Variants in KLHL29 observed in about 807,000 individuals in gnomAD.
KLHL29 encodes kelch like family member 29.
Under a neutral mutation model 80.4 loss-of-function variants are expected in KLHL29, and 21 were observed. That is an observed-to-expected ratio of 0.26 (90% CI 0.19 to 0.38). The LOEUF is 0.38. Ranked by LOEUF, KLHL29 falls within the 10% of genes least tolerant of loss-of-function variation. The probability of loss-of-function intolerance (pLI) is 1.00; values close to 1 mark genes in which losing one functional copy is unlikely to be tolerated. For synonymous variants in KLHL29, 511 were observed against 526.8 expected (o/e 0.97, Z 0.41); for missense variants, 867 against 1,223.9 (o/e 0.71, Z 4.35).
chr2:23,567,285 CTG>C (rs1667610948), intron 3 of KLHL29, among the ~76,000 whole-genome samples: 1 of 152,240 alleles, frequency 6.6e-6, no homozygotes, highest in African/African-American at 2.4e-5. Flanking sequence ...TCGCTGATGT[CTG>C]TGAAATGTAC....
chr2:23,389,694 A>G (rs1322744838), intron 1 of KLHL29, among the ~76,000 whole-genome samples: 1 of 151,588 alleles, frequency 6.6e-6, no homozygotes, highest in Non-Finnish European at 1.5e-5. Context: ...TCTCAGAAAA[A>G]AAAAAGGGGG....
chr2:23,692,228 C>T (rs1671659409), intron 7 of KLHL29, among the ~76,000 whole-genome samples: 1 of 152,144 alleles, frequency 6.6e-6, no homozygotes, highest in African/African-American at 2.4e-5. Context: ...TTCTCTAGAC[C>T]CTGAACAAAG....
intron 5 of KLHL29, among the ~76,000 whole-genome samples, chr2:23,650,262 T>C (rs1452719363): frequency 6.6e-6 from 1 of 152,168 alleles, no homozygotes; most frequent in Non-Finnish European, 1.5e-5. Flanking sequence ...AGTGAGTGGT[T>C]CTACAAATGC....
chr2:23,578,678 A>G (rs185805786), intron 3 of KLHL29, among the ~76,000 whole-genome samples: 1 of 152,182 alleles, frequency 6.6e-6, no homozygotes, highest in African/African-American at 2.4e-5. Context: ...CTCAGTAAAT[A>G]TGTGTTGAAT....
intron 2 of KLHL29, among the ~76,000 whole-genome samples, chr2:23,484,650 C>T (rs1259222665): frequency 6.6e-6 from 1 of 152,184 alleles, no homozygotes; most frequent in East Asian, 1.9e-4. Context: ...AGGAGGTGTC[C>T]TCCCTCTCCA....
chr2:23,601,624 C>T (rs1161605837), intron 3 of KLHL29, among the ~76,000 whole-genome samples: 2 of 152,180 alleles, frequency 1.3e-5, no homozygotes, highest in Non-Finnish European at 2.9e-5. Context: ...TTCTAGATTG[C>T]AAACATCAAC....
At chr2:23,544,482 G>A (rs1391498235) in intron 2 of KLHL29, among the ~76,000 whole-genome samples, 1 of 152,216 alleles carries the variant, frequency 6.6e-6, no homozygotes, top group Non-Finnish European at 1.5e-5. Context: ...CTGCCTCACA[G>A]AATTGTTATG....
chr2:23,541,765 C>CAAAAAAAAAAAAAAAAAAAA (rs149080311), intron 2 of KLHL29, among the ~76,000 whole-genome samples: 12 of 139,920 alleles, frequency 8.6e-5, no homozygotes, highest in African/African-American at 3.5e-4. Flanking sequence ...AAGCCCAACC[C>CAAAAAAAAAAAAAAAAAAAA]AAAAAACAAA....
In KLHL29 at chr2:23,639,144, C is replaced by T. The variant is rs369845163; in HGVS notation, c.291C>T (p.Pro97=). The T allele has an allele frequency of 3.2e-5, 49 of 1,531,132 alleles. No individual in the cohort carries two copies. Among genetic ancestry groups the T allele is most frequent in the South Asian group, 1.9e-4 (15 of 80,540 alleles). 94.8% of individuals were successfully genotyped at this position (1,531,132 alleles called of 1,614,324 possible). A position where few individuals can be genotyped will look rare whatever the true frequency, so the allele number is the denominator to read the frequency against. Residue 97 remains proline (P), a synonymous_variant, in exon 4 of 14, where the codon CCC becomes CCT. Transcript: ENST00000486442. ...SSASAVTTKA[P]GISKGDSQSQ... is the part of the protein sequence containing the mutation. The stretch of plus-strand genomic sequence containing the variant: ...TCCTCATCTGCTTCCCACAGGCTCC[C>T]GGCATCTCCAAAGGGGACAGTCAGT...
chr2:23,639,953 C>G (rs2149156780), intron 4 of KLHL29, among the ~76,000 whole-genome samples: 1 of 152,362 alleles, frequency 6.6e-6, no homozygotes, highest in South Asian at 2.1e-4. Context: ...GCTCTGCCCC[C>G]TGCATCCCTC....
Position 23,646,785 on chromosome 2 carries a change from A to G in KLHL29, c.940+3935A>G, listed in dbSNP as rs114973569. 7.8e-3 allele frequency among the ~76,000 whole-genome samples: 1,183 copies of G among 152,276 alleles called. 7 individuals carry two copies. Among genetic ancestry groups the G allele is most frequent in the Non-Finnish European group, 0.013 (873 of 68,038 alleles). On this transcript the variant is annotated intron_variant, in intron 5 of 13. Transcript: ENST00000486442. ...AACAGTGATGAGATCTTGTGAAAAT[A>G]CTTTGAGGCACAGGGAATAGCTGTG...
intron 5 of KLHL29, among the ~76,000 whole-genome samples, chr2:23,666,982 G>A (rs1016907988): frequency 6.6e-6 from 1 of 152,258 alleles, no homozygotes; most frequent in Non-Finnish European, 1.5e-5. Flanking sequence ...TGAGTCCTGA[G>A]TGAGTAGGGG....
chr2:23,634,912 G>C (rs1669569109), intron 3 of KLHL29, among the ~76,000 whole-genome samples: 1 of 152,052 alleles, frequency 6.6e-6, no homozygotes, highest in Non-Finnish European at 1.5e-5. Flanking sequence ...TCTTCCACTG[G>C]CCAACACTTT....
chr2:23,617,993 A>G (rs1669065394), intron 3 of KLHL29: 1 of 152,132 alleles, frequency 6.6e-6, no homozygotes, highest in African/African-American at 2.4e-5. Flanking sequence ...TGAGGTGTGG[A>G]GCAGCTGCGA....
intron 2 of KLHL29, chr2:23,532,695 A>C (rs1290028994): frequency 2.2e-6 from 1 of 455,670 alleles, no homozygotes; most frequent in African/African-American, 2.0e-5. Flanking sequence ...TGGGGTCAGC[A>C]TGGGGGTGGG....
intron 3 of KLHL29, among the ~76,000 whole-genome samples, chr2:23,574,820 C>G (rs773725827): frequency 1.3e-5 from 2 of 152,178 alleles, no homozygotes; most frequent in Non-Finnish European, 2.9e-5. Flanking sequence ...AGCTGACCCA[C>G]CACGCCATTT....
At chr2:23,586,436 T>G (rs992135831) in intron 3 of KLHL29, among the ~76,000 whole-genome samples, 1 of 143,908 alleles carries the variant, frequency 6.9e-6, no homozygotes, top group African/African-American at 2.6e-5. Context: ...CTCAGCTCAC[T>G]GCAACCTCCA....
In KLHL29 at chr2:23,695,900, T is replaced by C. The variant is rs1340317956; in HGVS notation, c.1742-51T>C. On this transcript the variant is annotated intron_variant, in intron 9 of 13. Transcript: ENST00000486442. This position sits in a 1 kb window ranked among gnomAD's most constrained non-coding sequence, Gnocchi z 7.6. The stretch of plus-strand genomic sequence containing the variant: ...GTTCCAGTGAGGTGCCAGGCACAGA[T>C]GCCGACAGTCTTAGAGTGTGTCCCA... The C allele has an allele frequency of 3.9e-6, 6 of 1,538,080 alleles. No individual in the cohort carries two copies. Among genetic ancestry groups the C allele is most frequent in the Non-Finnish European group, 5.3e-6 (6 of 1,140,604 alleles).
intron 3 of KLHL29, among the ~76,000 whole-genome samples, chr2:23,620,339 A>G (rs1325099122): frequency 1.3e-5 from 2 of 152,146 alleles, no homozygotes; most frequent in Non-Finnish European, 2.9e-5. Flanking sequence ...ACATTTTAGA[A>G]AAAGAACTGC....
Sources: allele counts gnomAD v4.1 joint callset (sites outside exome capture counted in the v4.1 genomes callset), GRCh38; gene constraint gnomAD v4.1.1; non-coding constraint Gnocchi (gnomAD v3.1); transcripts MANE v1.5; gene names NCBI Gene and HGNC (gene_info 2026-07-23, HGNC 2026-07-21).